Variants in LRRC24 observed in about 807,000 individuals in gnomAD.
The protein encoded by LRRC24 is leucine rich repeat containing 24, also known as leucine-rich repeat-containing protein 24.
LRRC24 carries 19 observed loss-of-function variants against 15.3 expected under a neutral mutation model. The observed-to-expected ratio is 1.25, with a 90% CI of 0.87 to 1.83. The LOEUF is 1.83. Among genes scored for constraint, LRRC24 ranks in the 40% most tolerant of loss-of-function variants. LRRC24 has a pLI of 0.00. For synonymous variants in LRRC24, 469 were observed against 359.6 expected (o/e 1.30, Z -3.44); for missense variants, 914 against 723.9 (o/e 1.26, Z -3.01).
Position 144,524,144 on chromosome 8 carries a change from C to G in LRRC24, c.573G>C (p.Gln191His), listed in dbSNP as rs1408404630. 1 of 1,608,364 alleles carries G rather than the reference C, an allele frequency of 6.2e-7. No individual in the cohort carries two copies. Among genetic ancestry groups the G allele is most frequent in the South Asian group, 1.1e-5 (1 of 91,012 alleles). ...QLGTISREAL[Q>H]PLASLQVLRL... ...GCAGGACTTGCAGACTGGCCAGGGG[C>G]TGCAGGGCCTCTCGGCTGATGGTGC... The change falls in exon 4 of 5, where the codon CAG becomes CAC. Residue 191 changes from glutamine to histidine, a missense_variant. Gln to His is a conservative substitution (Grantham distance 24). Coordinates refer to ENST00000529415, the MANE Select transcript of LRRC24 (RefSeq NM_001024678.4).
rs1218839753 is a variant in LRRC24, at chr8:144,522,796, A to G, written c.1221T>C (p.Ile407=). 4.7e-5 allele frequency: 72 copies of G among 1,544,126 alleles called. No homozygotes were observed. Among genetic ancestry groups the G allele is most frequent in the Non-Finnish European group, 5.7e-5 (65 of 1,149,874 alleles). ...GCGCCAGCAGCGCGATGGCCGCCGCAATGGCCGTCTGTGTGGCCACGCCCA... is the reference window on the plus strand; with the variant it reads ...GCGCCAGCAGCGCGATGGCCGCCGCGATGGCCGTCTGTGTGGCCACGCCCA... The part of the protein sequence containing the change: ...RALGVATQTA[I]AAAIALLALT... Residue 407 remains isoleucine, a synonymous_variant, in exon 5 of 5, where the codon ATT becomes ATC. Coordinates refer to ENST00000529415, the MANE Select transcript of LRRC24 (RefSeq NM_001024678.4).
chr8:144,526,023 C>T (rs1021399859), intron 1 of LRRC24: 1 of 152,212 alleles, frequency 6.6e-6, no homozygotes, highest in Non-Finnish European at 1.5e-5. Flanking sequence ...AGCCAGCCCA[C>T]CCGAAGCCAG....
intron 4 of LRRC24, chr8:144,523,633 C>G: frequency 1.8e-6 from 1 of 558,638 alleles, no homozygotes; most frequent in African/African-American, 2.0e-5. Flanking sequence ...CTGCCTGTTA[C>G]AGATCACTTC....
Position 144,522,767 on chromosome 8 carries a change from G to A in LRRC24, c.1250C>T (p.Thr417Met). ...IAAAIALLAL[T>M]ALLLVAMICR... ...GATCATGGCGACCAGGAGCAGCGCCGTGAGCGCCAGCAGCGCGATGGCCGC... is the reference window on the plus strand; with the variant it reads ...GATCATGGCGACCAGGAGCAGCGCCATGAGCGCCAGCAGCGCGATGGCCGC... Residue 417 changes from threonine to methionine, a missense_variant, in exon 5 of 5, where the codon ACG becomes ATG. Thr to Met is a moderately conservative substitution (Grantham distance 81, BLOSUM62 -1). Transcript: ENST00000529415. The A allele has an allele frequency of 1.9e-6, 3 of 1,572,566 alleles. No homozygotes were observed. The highest frequency in any genetic ancestry group is 1.7e-6 in the Non-Finnish European group (2 of 1,162,466).
chr8:144,523,344 G>A lies in LRRC24; in HGVS notation c.673C>T (p.Arg225Trp), dbSNP rs1323900231. 6.3e-7 allele frequency: 1 copy of A among 1,586,800 alleles called. No homozygotes were observed. The highest frequency in any genetic ancestry group is 1.1e-5 in the South Asian group (1 of 88,640). The stretch of plus-strand genomic sequence containing the variant: ...TTCCTGTCCCTGGAGGTGAGCAGCC[G>A]CTGGCCGCCCTCCTTGATCCAGGCA... Reference protein sequence around the residue: ...LGAWIKEGGQRLLTSRDRKIM... With the variant: ...LGAWIKEGGQWLLTSRDRKIM... Residue 225 changes from arginine to tryptophan, a missense_variant, in exon 5 of 5, where the codon CGG (arginine) becomes TGG (tryptophan). Physicochemically the swap from Arg to Trp is moderately radical, Grantham distance 101. Transcript: ENST00000529415.
At chr8:144,526,008 A>C (rs1009885363) in intron 1 of LRRC24, 2 of 152,190 alleles carry the variant, frequency 1.3e-5, no homozygotes, top group African/African-American at 4.8e-5. Flanking sequence ...GATCTGGGCT[A>C]AGCCAGCCAG....
Position 144,522,789 on chromosome 8 carries a change from C to T in LRRC24, c.1228G>A (p.Ala410Thr), listed in dbSNP as rs115500071. 5,163 of 1,551,256 alleles carry T rather than the reference C, an allele frequency of 3.3e-3. 11 individuals carry two copies. Among genetic ancestry groups the T allele is most frequent in the Non-Finnish European group, 3.9e-3 (4,544 of 1,153,136 alleles). ...GVATQTAIAA[A>T]IALLALTALL... ...GCCGTGAGCGCCAGCAGCGCGATGG[C>T]CGCCGCAATGGCCGTCTGTGTGGCC... Residue 410 changes from alanine to threonine, a missense_variant, in exon 5 of 5, where the codon GCC (alanine) becomes ACC (threonine). Physicochemically the swap from Ala to Thr is moderately conservative, Grantham distance 58. Coordinates refer to ENST00000529415, the MANE Select transcript of LRRC24 (RefSeq NM_001024678.4).
rs753367072 is a variant in LRRC24 at position 144,522,621 on chromosome 8, G to A, written c.1396C>T (p.Arg466Cys). 1 of 1,573,622 alleles carries A rather than the reference G, an allele frequency of 6.4e-7. No individual in the cohort carries two copies. The highest frequency in any genetic ancestry group is 8.6e-7 in the Non-Finnish European group (1 of 1,162,398). Residue 466 changes from arginine (R) to cysteine (C), a missense_variant, in exon 5 of 5, where the codon CGC (arginine) becomes TGC (cysteine). By Grantham distance (180) the Arg-to-Cys change is radical (BLOSUM62 -3). Coordinates refer to ENST00000529415, the MANE Select transcript of LRRC24 (RefSeq NM_001024678.4). ...FAQLEELRDE[R>C]GHEMFVINRS... ...TTGATGACGAACATCTCGTGGCCGC[G>A]CTCGTCGCGGAGCTCCTCTAGCTGT...
chr8:144,524,540 C>CA lies in LRRC24; in HGVS notation c.338dup (p.Leu113PhefsTer47). 1 of 1,582,518 alleles carries CA rather than the reference C, an allele frequency of 6.3e-7. No individual in the cohort carries two copies. Among genetic ancestry groups the CA allele is most frequent in the Non-Finnish European group, 8.5e-7 (1 of 1,173,240 alleles). ...CCAGGCCTACGAAGGCGCCGCTGCG[C>CA]AAGCCGCGCAGCCGGTTGCTAGTGA... On this transcript the variant is annotated frameshift_variant, in exon 3 of 5. Transcript: ENST00000529415. LOFTEE classifies it high-confidence loss of function.
Position 144,522,878 on chromosome 8 carries a change from G to T in LRRC24, c.1139C>A (p.Ala380Asp), listed in dbSNP as rs1000361671. The change falls in exon 5 of 5, where the codon GCC becomes GAC. Residue 380 changes from alanine to aspartate, a missense_variant. By Grantham distance (126) the Ala-to-Asp change is moderately radical. Transcript: ENST00000529415. ...QQPAQPPPPA[A>D]RPAGSEPRPE... is the part of the protein sequence containing the mutation. ...CCGGGGCTCGCTGCCGGCGGGGCGGGCGGCCGGAGGCGGCGGTTGCGCGGG... is the reference window on the plus strand; with the variant it reads ...CCGGGGCTCGCTGCCGGCGGGGCGGTCGGCCGGAGGCGGCGGTTGCGCGGG... 6.6e-5 allele frequency: 83 copies of T among 1,264,502 alleles called. No homozygotes were observed. The highest frequency in any genetic ancestry group is 8.1e-5 in the Non-Finnish European group (82 of 1,011,762). The allele number at this position is 1,264,502 out of a possible 1,614,324, so 78.3% of individuals were successfully genotyped here. A position where few individuals can be genotyped will look rare whatever the true frequency, so the allele number is the denominator to read the frequency against.
In LRRC24 at chr8:144,524,904, G is replaced by T; in HGVS notation, c.71C>A (p.Pro24Gln). ...LLLPLRAAGC[P>Q]AACRCYSATV... is the part of the protein sequence containing the mutation. ...GGCGCTGTAGCAGCGGCAGGCTGCTGGGCAGCCGGCGGCGCGGAGCGGCAG... is the reference window on the plus strand; with the variant it reads ...GGCGCTGTAGCAGCGGCAGGCTGCTTGGCAGCCGGCGGCGCGGAGCGGCAG... The change falls in exon 2 of 5, where the codon CCA becomes CAA. Residue 24 changes from proline to glutamine, a missense_variant. Transcript: ENST00000529415. 6.6e-7 allele frequency: 1 copy of T among 1,515,140 alleles called. No individual in the cohort carries two copies. The highest frequency in any genetic ancestry group is 8.8e-7 in the Non-Finnish European group (1 of 1,133,310). The allele number at this position is 1,515,140 out of a possible 1,614,324, so 93.9% of individuals were successfully genotyped here. A position where few individuals can be genotyped will look rare whatever the true frequency, so the allele number is the denominator to read the frequency against.
rs761335492 is a variant in LRRC24 at position 144,522,764 on chromosome 8, G to A, written c.1253C>T (p.Ala418Val). The change falls in exon 5 of 5, where the codon GCG becomes GTG. Residue 418 changes from alanine (A) to valine (V), a missense_variant. Ala to Val is a moderately conservative substitution (Grantham distance 64). Coordinates refer to ENST00000529415, the MANE Select transcript of LRRC24 (RefSeq NM_001024678.4). Reference protein sequence around the residue: ...AAAIALLALTALLLVAMICRR... With the variant: ...AAAIALLALTVLLLVAMICRR... Reference sequence around the variant, plus strand: ...ACAGATCATGGCGACCAGGAGCAGCGCCGTGAGCGCCAGCAGCGCGATGGC... The same window carrying A: ...ACAGATCATGGCGACCAGGAGCAGCACCGTGAGCGCCAGCAGCGCGATGGC... The A allele has an allele frequency of 1.9e-6, 3 of 1,574,356 alleles. No individual in the cohort carries two copies. In the South Asian group the frequency reaches 3.5e-5, roughly 18 times the overall value.
Position 144,524,646 on chromosome 8 carries a change from C to T in LRRC24, c.233G>A (p.Arg78Gln). 5 of 1,503,128 alleles carry T rather than the reference C, an allele frequency of 3.3e-6. No homozygotes were observed. The highest frequency in any genetic ancestry group is 4.4e-6 in the Non-Finnish European group (5 of 1,135,834). 93.1% of individuals were successfully genotyped at this position (1,503,128 alleles called of 1,614,324 possible). A position where few individuals can be genotyped will look rare whatever the true frequency, so the allele number is the denominator to read the frequency against. Residue 78 changes from arginine to glutamine, a missense_variant, in exon 3 of 5, where the codon CGG becomes CAG. By Grantham distance (43) the Arg-to-Gln change is conservative. Transcript: ENST00000529415. The stretch of plus-strand genomic sequence containing the variant: ...CAGGCTGTTGTTGTGCAGGTAGAGC[C>T]GGCGCAGAGCGGCGAGTGGCGCCAG... ...GALAPLAALR[R>Q]LYLHNNSLRA...
chr8:144,525,050 C>T lies in LRRC24; in HGVS notation c.-59-17G>A, dbSNP rs1816313043. On this transcript the variant is annotated splice_polypyrimidine_tract_variant and intron_variant, in intron 1 of 4. Coordinates refer to ENST00000529415, the MANE Select transcript of LRRC24 (RefSeq NM_001024678.4). ...CGTGCCCTCCTGAAACACAGGTTGG[C>T]AGGCCAGTCTCGGCAGTCGAGAGCC... The T allele has an allele frequency of 7.4e-7, 1 of 1,360,158 alleles. No homozygotes were observed. Among genetic ancestry groups the T allele is most frequent in the Non-Finnish European group, 9.4e-7 (1 of 1,060,090 alleles). The allele number at this position is 1,360,158 out of a possible 1,614,324, so 84.3% of individuals were successfully genotyped here.
At position 144,523,318 on chromosome 8, in the gene LRRC24, C is replaced by T. The variant is rs769700659; in HGVS notation, c.699G>A (p.Lys233=). 41 of 1,608,422 alleles carry T rather than the reference C, an allele frequency of 2.5e-5. No homozygotes were observed. The highest frequency in any genetic ancestry group is 2.0e-4 in the African/African-American group (15 of 74,978). ...GGCGCGGGGGCTCTGCACACATGAT[C>T]TTCCTGTCCCTGGAGGTGAGCAGCC... The part of the protein sequence containing the change: ...GQRLLTSRDR[K]IMCAEPPRLA... The change falls in exon 5 of 5, where the codon AAG becomes AAA. Residue 233 remains lysine (K), a synonymous_variant. Coordinates refer to ENST00000529415, the MANE Select transcript of LRRC24 (RefSeq NM_001024678.4).
At chr8:144,525,936 G>T (rs1039719316) in intron 1 of LRRC24, 1 of 152,132 alleles carries the variant, frequency 6.6e-6, no homozygotes, top group Admixed American at 6.6e-5. Flanking sequence ...TGTACTTGTC[G>T]TAAAGAAATG....
At chr8:144,524,348 A>G in intron 3 of LRRC24, 70 bp from the exon 4 acceptor site, 3 of 1,597,614 alleles carry the variant, frequency 1.9e-6, no homozygotes, top group Non-Finnish European at 2.5e-6. Flanking sequence ...CTTCTTACCA[A>G]GCTAGACTGG....
rs528336028 is a variant in LRRC24 at position 144,523,335 on chromosome 8, T to C, written c.682A>G (p.Thr228Ala). The change falls in exon 5 of 5, where the codon ACC becomes GCC. Residue 228 changes from threonine to alanine, a missense_variant. Physicochemically the swap from Thr to Ala is moderately conservative, Grantham distance 58. Coordinates refer to ENST00000529415, the MANE Select transcript of LRRC24 (RefSeq NM_001024678.4). ...CACATGATCTTCCTGTCCCTGGAGG[T>C]GAGCAGCCGCTGGCCGCCCTCCTTG... ...WIKEGGQRLL[T>A]SRDRKIMCAE... 1 of 1,592,624 alleles carries C rather than the reference T, an allele frequency of 6.3e-7. No individual in the cohort carries two copies. Among genetic ancestry groups the C allele is most frequent in the South Asian group, 1.1e-5 (1 of 89,722 alleles).
intron 3 of LRRC24, 58 bp from the exon 4 acceptor site, chr8:144,524,336 CTCT>C: frequency 1.3e-6 from 2 of 1,599,658 alleles, no homozygotes; most frequent in Non-Finnish European, 1.7e-6. Context: ...GGGCATGTCT[CTCT>C]TCTTACCAAG....
Sources: gnomAD v4.1 joint callset for allele counts on GRCh38, gnomAD v4.1.1 for gene constraint, MANE v1.5 for transcripts, NCBI Gene and HGNC (gene_info 2026-07-23, HGNC 2026-07-21) for gene names.